ZNF510: variants seen among roughly 807,000 people sequenced by gnomAD.
ZNF510 encodes zinc finger protein 510.
Under a neutral mutation model 18.1 loss-of-function variants are expected in ZNF510, and 15 were observed. That is an observed-to-expected ratio of 0.83 (90% CI 0.55 to 1.28). The LOEUF (loss-of-function observed/expected upper bound fraction) is 1.28, where lower values mean the gene tolerates loss of function less well. ZNF510 is among the 50% of genes most tolerant of loss of function. The probability of loss-of-function intolerance (pLI) is 0.00; values close to 1 mark genes in which losing one functional copy is unlikely to be tolerated. For missense variants in ZNF510, 724 were observed against 791.8 expected (o/e 0.91, Z 1.03); for synonymous variants, 261 against 266.4 (o/e 0.98, Z 0.20).
In ZNF510 at chr9:96,757,959, A is replaced by G. The variant is rs1849235199; in HGVS notation, c.*819T>C. ...ATATGCTAGACTAAGGAATGATTCA[A>G]TAACCCTCATGGGAGAGCAGGAGGG... On this transcript the variant is annotated 3_prime_UTR_variant, in exon 6 of 6. Transcript: ENST00000223428. 1.3e-5 allele frequency: 2 copies of G among 152,240 alleles called. No individual in the cohort carries two copies. The highest frequency in any genetic ancestry group is 1.5e-5 in the Non-Finnish European group (1 of 68,034). 9.4% of individuals were successfully genotyped at this position (152,240 alleles called of 1,614,324 possible). A position where few individuals can be genotyped will look rare whatever the true frequency, so the allele number is the denominator to read the frequency against.
chr9:96,763,066 T>G, intron 5 of ZNF510, 52 bp downstream of exon 5: 1 of 1,480,896 alleles, frequency 6.8e-7, no homozygotes, highest in Admixed American at 1.7e-5. Flanking sequence ...TAAAGTGACC[T>G]GGAGTCTAAC....
In ZNF510 at chr9:96,770,917, C is replaced by T. The variant is rs148135978; in HGVS notation, c.129+3871G>A. 5.3e-3 allele frequency among the ~76,000 whole-genome samples: 812 copies of T among 152,238 alleles called. 6 individuals carry two copies. Among genetic ancestry groups the T allele is most frequent in the Middle Eastern group, 0.014 (4 of 294 alleles). On this transcript the variant is annotated intron_variant, in intron 3 of 5. Transcript: ENST00000223428. Reference sequence around the variant, plus strand: ...GTATGTGAATTGTATCTCCATAAAGCTGTTAAAAATAAAGGACACTAGAAT... The same window carrying T: ...GTATGTGAATTGTATCTCCATAAAGTTGTTAAAAATAAAGGACACTAGAAT...
chr9:96,770,031 A>G (rs1034245476), intron 3 of ZNF510, among the ~76,000 whole-genome samples: 11 of 152,226 alleles, frequency 7.2e-5, no homozygotes, highest in African/African-American at 2.4e-4. Context: ...AGATAAGTCA[A>G]GAGTTACCAT....
At chr9:96,771,443 A>AAAAAC (rs1361051306) in intron 3 of ZNF510, among the ~76,000 whole-genome samples, 1 of 151,784 alleles carries the variant, frequency 6.6e-6, no homozygotes, top group African/African-American at 2.4e-5. Context: ...AAAAAAAAAA[A>AAAAAC]AACTCAGGAA....
rs1849306892 is a variant in ZNF510, at chr9:96,760,019, T to C, written c.811A>G (p.Lys271Glu). 6.2e-7 allele frequency: 1 copy of C among 1,612,884 alleles called. No individual in the cohort carries two copies. The highest frequency in any genetic ancestry group is 1.3e-5 in the African/African-American group (1 of 74,930). The change falls in exon 6 of 6, where the codon AAA (lysine) becomes GAA (glutamate). Residue 271 changes from lysine (K) to glutamate (E), a missense_variant. Physicochemically the swap from Lys to Glu is moderately conservative, Grantham distance 56. Transcript: ENST00000223428. ...TCTCCTGTGTGAGAACTGTTATGTT[T>C]AACACAGTTAGCCTTATCATTAAAG... ...KAFNDKANCVKHNSSHTGETS... is the reference protein window; with the variant it reads ...KAFNDKANCVEHNSSHTGETS...
intron 3 of ZNF510, among the ~76,000 whole-genome samples, chr9:96,772,498 C>T (rs1849603213): frequency 1.3e-5 from 2 of 152,172 alleles, no homozygotes; most frequent in African/African-American, 4.8e-5. Flanking sequence ...TGGCAAAAAA[C>T]ATTTACTGAA....
chr9:96,768,327 A>T (rs909182498), intron 3 of ZNF510, among the ~76,000 whole-genome samples: 10 of 152,216 alleles, frequency 6.6e-5, no homozygotes, highest in Non-Finnish European at 1.5e-4. Flanking sequence ...GCCTGCTTTC[A>T]TCATTTCTAT....
intron 3 of ZNF510, among the ~76,000 whole-genome samples, chr9:96,770,246 G>C (rs1849557052): frequency 6.6e-6 from 1 of 152,132 alleles, no homozygotes; most frequent in South Asian, 2.1e-4. Context: ...ATGATGTACT[G>C]ATACGTACAA....
At chr9:96,771,240 C>T (rs1849579088) in intron 3 of ZNF510, among the ~76,000 whole-genome samples, 1 of 151,880 alleles carries the variant, frequency 6.6e-6, no homozygotes, top group Non-Finnish European at 1.5e-5. Context: ...GAAATATTAA[C>T]AAATTGAATC....
intron 3 of ZNF510, 106 bp downstream of exon 3, chr9:96,774,682 A>G: frequency 9.6e-7 from 1 of 1,040,986 alleles, no homozygotes; most frequent in South Asian, 1.5e-5. Flanking sequence ...GCTTTTCTAT[A>G]TATTCCTTGA....
At position 96,759,485 on chromosome 9, in the gene ZNF510, T is replaced by C; in HGVS notation, c.1345A>G (p.Thr449Ala). 1 of 1,614,058 alleles carries C rather than the reference T, an allele frequency of 6.2e-7. No homozygotes were observed. The highest frequency in any genetic ancestry group is 8.5e-7 in the Non-Finnish European group (1 of 1,179,964). The change falls in exon 6 of 6, where the codon ACT (threonine) becomes GCT (alanine). Residue 449 changes from threonine (T) to alanine (A), a missense_variant. Thr to Ala is a moderately conservative substitution (Grantham distance 58). Transcript: ENST00000223428. The part of the protein sequence containing the change: ...KTFSQKSHLS[T>A]HQRIHTAEKP... The stretch of plus-strand genomic sequence containing the variant: ...TCTGCTGTATGAATTCTCTGATGAG[T>C]ACTGAGGTGTGACTTCTGGGAGAAA...
Position 96,758,711 on chromosome 9 carries a change from G to A in ZNF510, c.*67C>T. The A allele has an allele frequency of 6.7e-7, 1 of 1,484,298 alleles. No individual in the cohort carries two copies. The highest frequency in any genetic ancestry group is 9.0e-7 in the Non-Finnish European group (1 of 1,111,532). 91.9% of individuals were successfully genotyped at this position (1,484,298 alleles called of 1,614,324 possible). On this transcript the variant is annotated 3_prime_UTR_variant, in exon 6 of 6. Coordinates refer to ENST00000223428, the MANE Select transcript of ZNF510 (RefSeq NM_014930.3). ...TTCTTACATTCACTACCCTCAATTG[G>A]TTTTTTGTGTATCTCTGATATCAAA...
chr9:96,774,949 T>A, intron 2 of ZNF510, 103 bp from the exon 3 acceptor site: 1 of 941,294 alleles, frequency 1.1e-6, no homozygotes, highest in South Asian at 1.5e-5. Flanking sequence ...CTACAAAAAA[T>A]GTTCCTTTGA....
chr9:96,771,811 T>TAACA (rs925923357), intron 3 of ZNF510, among the ~76,000 whole-genome samples: 6 of 152,228 alleles, frequency 3.9e-5, no homozygotes, highest in African/African-American at 9.6e-5. Flanking sequence ...TTTAATAAAC[T>TAACA]AACAATAAAC....
Position 96,759,978 on chromosome 9 carries a change from A to G in ZNF510, c.852T>C (p.Asp284=), listed in dbSNP as rs1286591685. 1.2e-6 allele frequency: 2 copies of G among 1,613,176 alleles called. No homozygotes were observed. Among genetic ancestry groups the G allele is most frequent in the African/African-American group, 1.3e-5 (1 of 74,916 alleles). ...SSHTGETSSK[D]DEFRKNCDKK... ...TATCACAATTTTTCCTAAATTCATC[A>G]TCTTTAGAGGATGTTTCTCCTGTGT... The change falls in exon 6 of 6, where the codon GAT becomes GAC. Residue 284 remains aspartate (D), a synonymous_variant. Coordinates refer to ENST00000223428, the MANE Select transcript of ZNF510 (RefSeq NM_014930.3).
intron 5 of ZNF510, among the ~76,000 whole-genome samples, chr9:96,760,760 A>G (rs1849328421): frequency 6.7e-6 from 1 of 150,062 alleles, no homozygotes; most frequent in Non-Finnish European, 1.5e-5. Flanking sequence ...AAATAAAACT[A>G]AGCGTTTTAT....
intron 3 of ZNF510, among the ~76,000 whole-genome samples, chr9:96,771,691 A>G (rs1849587797): frequency 6.6e-6 from 1 of 152,116 alleles, no homozygotes; most frequent in African/African-American, 2.4e-5. Context: ...TTATTGCAAA[A>G]AAAATTTTGC....
In ZNF510 at chr9:96,759,630, CATT is replaced by C. The variant is rs757660875; in HGVS notation, c.1197_1199del (p.Met401del). ...ATTCATTACATTTATAGGGTTTCAT[CATT>C]GAGTGACTTCTTCGGCGAACTCTGT... On this transcript the variant is annotated inframe_deletion, in exon 6 of 6. Transcript: ENST00000223428. The C allele has an allele frequency of 7.2e-5, 116 of 1,613,654 alleles. No homozygotes were observed. The highest frequency in any genetic ancestry group is 1.6e-4 in the Middle Eastern group (1 of 6,084).
Position 96,757,253 on chromosome 9 carries a change from G to A in ZNF510, c.*1525C>T, listed in dbSNP as rs1849216114. ...AACTCCTTAAAGCAGATATAGCTGG[G>A]GTATATGGAGGTGTCAGGAGGTGTG... On this transcript the variant is annotated 3_prime_UTR_variant, in exon 6 of 6. Coordinates refer to ENST00000223428, the MANE Select transcript of ZNF510 (RefSeq NM_014930.3). The A allele has an allele frequency of 6.6e-6, 1 of 152,158 alleles. No homozygotes were observed. Among genetic ancestry groups the A allele is most frequent in the Non-Finnish European group, 1.5e-5 (1 of 68,038 alleles). 9.4% of individuals were successfully genotyped at this position (152,158 alleles called of 1,614,324 possible).
Sources: allele counts gnomAD v4.1 joint callset (sites outside exome capture counted in the v4.1 genomes callset), GRCh38; gene constraint gnomAD v4.1.1; transcripts MANE v1.5; gene names NCBI Gene and HGNC (gene_info 2026-07-23, HGNC 2026-07-21).